CYFIP2: variants seen among roughly 807,000 people sequenced by gnomAD.
CYFIP2 encodes cytoplasmic FMR1-interacting protein 2.
In CYFIP2, 29 loss-of-function variants were observed where a neutral mutation model predicts 158.7. That is an observed-to-expected ratio of 0.18 (90% confidence interval 0.14 to 0.25). The LOEUF (loss-of-function observed/expected upper bound fraction) is 0.25, where lower values mean the gene tolerates loss of function less well. CYFIP2 is among the 10% of genes least tolerant of loss of function. The probability of loss-of-function intolerance (pLI) is 1.00; values close to 1 mark genes in which losing one functional copy is unlikely to be tolerated. For missense variants in CYFIP2, 852 were observed against 1,639.5 expected (o/e 0.52, Z 8.29); for synonymous variants, 585 against 617.6 (o/e 0.95, Z 0.78).
At chr5:157,283,132 C>T (rs950819671) in intron 1 of CYFIP2, among the ~76,000 whole-genome samples, 1 of 152,188 alleles carries the variant, frequency 6.6e-6, no homozygotes, top group Non-Finnish European at 1.5e-5. Context: ...GGTCAGACCT[C>T]CCTCCACCAC....
intron 9 of CYFIP2, among the ~76,000 whole-genome samples, chr5:157,309,214 G>A (rs898006496): frequency 6.6e-6 from 1 of 152,220 alleles, no homozygotes; most frequent in African/African-American, 2.4e-5. Flanking sequence ...CCTAGTGCAT[G>A]AGAAGCACAT....
At chr5:157,335,866 T>C (rs1397669369) in intron 21 of CYFIP2, among the ~76,000 whole-genome samples, 1 of 152,006 alleles carries the variant, frequency 6.6e-6, no homozygotes, top group Non-Finnish European at 1.5e-5. Context: ...GCATATCTTA[T>C]GGGAAAAAAA....
chr5:157,358,403 A>C (rs1763567029), intron 23 of CYFIP2, among the ~76,000 whole-genome samples: 1 of 152,202 alleles, frequency 6.6e-6, no homozygotes, highest in South Asian at 2.1e-4. Flanking sequence ...CTGCTCTTAA[A>C]GTTGGGAAAC....
chr5:157,314,493 C>T (rs2113064697), intron 12 of CYFIP2, 30 bp downstream of exon 12: 2 of 1,602,390 alleles, frequency 1.2e-6, no homozygotes, highest in East Asian at 4.5e-5. Flanking sequence ...GGGCCTCACA[C>T]TGACCTCTCT....
intron 1 of CYFIP2, among the ~76,000 whole-genome samples, chr5:157,273,555 C>T (rs781020847): frequency 1.3e-5 from 2 of 152,112 alleles, no homozygotes; most frequent in Non-Finnish European, 2.9e-5. Context: ...GTCTAGTTCA[C>T]CCCTGCAGTT....
intron 1 of CYFIP2, among the ~76,000 whole-genome samples, chr5:157,268,119 G>C (rs1481063568): frequency 1.3e-5 from 2 of 152,220 alleles, no homozygotes; most frequent in Admixed American, 6.5e-5. Flanking sequence ...TAGTGTTGTT[G>C]CTTACAAAGT....
intron 8 of CYFIP2, 51 bp from the exon 9 acceptor site, chr5:157,307,710 T>A (rs202130977): frequency 1.5e-4 from 186 of 1,212,246 alleles, no homozygotes; most frequent in Non-Finnish European, 1.6e-4. Context: ...GTTTTTAAAC[T>A]TTTCCAGCAG....
chr5:157,324,009 T>A lies in CYFIP2; in HGVS notation c.1760T>A (p.Ile587Asn), dbSNP rs757817918. 1 of 1,613,620 alleles carries A rather than the reference T, an allele frequency of 6.2e-7. No homozygotes were observed. The highest frequency in any genetic ancestry group is 8.5e-7 in the Non-Finnish European group (1 of 1,179,750). ...CTGAGGAGCAGCCTGGATGGACCCA[T>A]TGTCCTCGCCATAGAGGACTTTCAC... ...KTLRSSLDGPIVLAIEDFHKQ... is the reference protein window; with the variant it reads ...KTLRSSLDGPNVLAIEDFHKQ... Residue 587 changes from isoleucine (I) to asparagine (N), a missense_variant, in exon 16 of 31, where the codon ATT becomes AAT. Physicochemically the swap from Ile to Asn is moderately radical, Grantham distance 149. This residue lies in a region of CYFIP2 where 167 missense variants were observed against 343.3 expected (regional missense o/e 0.49). Coordinates refer to ENST00000620254, the MANE Select transcript of CYFIP2 (RefSeq NM_001037333.3).
In CYFIP2 at chr5:157,389,436, C is replaced by T. The variant is rs1401655125; in HGVS notation, c.3446+9C>T. ...AACGAGTTCACAGCTGAGTGAGTAC[C>T]CCCCAGAGAAGGCAGGGTTACCCCC... On this transcript the variant is annotated intron_variant, in intron 29 of 30. Transcript: ENST00000620254. 2.6e-6 allele frequency: 4 copies of T among 1,565,200 alleles called. No individual in the cohort carries two copies. The highest frequency in any genetic ancestry group is 3.5e-6 in the Non-Finnish European group (4 of 1,149,268).
At position 157,325,553 on chromosome 5, in the gene CYFIP2, C is replaced by G; in HGVS notation, c.1897C>G (p.Arg633Gly). 6.2e-7 allele frequency: 1 copy of G among 1,613,302 alleles called. No individual in the cohort carries two copies. Among genetic ancestry groups the G allele is most frequent in the Non-Finnish European group, 8.5e-7 (1 of 1,179,580 alleles). The change falls in exon 17 of 31, where the codon CGA becomes GGA. Residue 633 changes from arginine to glycine, a missense_variant. Coordinates refer to ENST00000620254, the MANE Select transcript of CYFIP2 (RefSeq NM_001037333.3). ...REFFLELTMGRRIQFPIEMSM... is the reference protein window; with the variant it reads ...REFFLELTMGGRIQFPIEMSM... ...ATTCTTCCTGGAGTTAACCATGGGCCGACGAATCCAGTTCCCCATCGAGAT... is the reference window on the plus strand; with the variant it reads ...ATTCTTCCTGGAGTTAACCATGGGCGGACGAATCCAGTTCCCCATCGAGAT...
At chr5:157,307,525 A>G (rs1422845209) in intron 8 of CYFIP2, among the ~76,000 whole-genome samples, 1 of 152,202 alleles carries the variant, frequency 6.6e-6, no homozygotes, top group Non-Finnish European at 1.5e-5. Context: ...TAAGGGCTGA[A>G]GAAGTAGCTG....
chr5:157,374,583 G>C (rs1372520289), intron 26 of CYFIP2, among the ~76,000 whole-genome samples: 2 of 152,274 alleles, frequency 1.3e-5, no homozygotes, highest in East Asian at 3.9e-4. Context: ...CAGCATTGCA[G>C]GTGCTGGCAT....
chr5:157,353,374 C>T (rs905366008), intron 23 of CYFIP2, among the ~76,000 whole-genome samples: 1 of 152,172 alleles, frequency 6.6e-6, no homozygotes, highest in African/African-American at 2.4e-5. Flanking sequence ...TTCCAACGCA[C>T]CTTATTCATA....
chr5:157,332,973 G>A (rs1005253582), intron 20 of CYFIP2, among the ~76,000 whole-genome samples: 1 of 152,142 alleles, frequency 6.6e-6, no homozygotes, highest in African/African-American at 2.4e-5. Flanking sequence ...CTTGCAGACT[G>A]TTTAAAGGGT....
chr5:157,292,158 G>A (rs2113861733), intron 3 of CYFIP2, among the ~76,000 whole-genome samples: 1 of 150,096 alleles, frequency 6.7e-6, no homozygotes, highest in East Asian at 2.0e-4. Context: ...TTTTGTGTCT[G>A]GCTTCTTTTA....
At chr5:157,298,509 ATTTT>A (rs34331931) in intron 5 of CYFIP2, among the ~76,000 whole-genome samples, 1 of 143,552 alleles carries the variant, frequency 7.0e-6, no homozygotes, top group African/African-American at 2.6e-5. Flanking sequence ...CTACTTTTGT[ATTTT>A]TTTTTTTTTT....
chr5:157,392,471 A>C (rs1411816799), intron 30 of CYFIP2, among the ~76,000 whole-genome samples: 2 of 152,198 alleles, frequency 1.3e-5, no homozygotes, highest in Non-Finnish European at 2.9e-5. Context: ...CCTTTTGTTG[A>C]AAAGGCTGTT....
chr5:157,279,603 GTTA>G, intron 1 of CYFIP2, among the ~76,000 whole-genome samples: 1 of 152,232 alleles, frequency 6.6e-6, no homozygotes, highest in Middle Eastern at 3.4e-3. Flanking sequence ...TGTGCCCAAT[GTTA>G]TTATTACTTT....
intron 26 of CYFIP2, among the ~76,000 whole-genome samples, chr5:157,373,054 A>G (rs766278080): frequency 2.0e-5 from 3 of 152,222 alleles, no homozygotes; most frequent in Non-Finnish European, 4.4e-5. Context: ...GGGTCTTCAT[A>G]CATTATAAAT....
Sources: gnomAD v4.1 joint callset for allele counts (sites outside exome capture counted in the v4.1 genomes callset) on GRCh38, gnomAD v4.1.1 for gene constraint, gnomAD v4.1.1 regional missense constraint, MANE v1.5 for transcripts, NCBI Gene and HGNC (gene_info 2026-07-23, HGNC 2026-07-21) for gene names.